Variants in NDUFA5 observed in about 807,000 individuals in gnomAD.
The protein encoded by NDUFA5 is NADH dehydrogenase [ubiquinone] 1 alpha subcomplex subunit 5.
In NDUFA5, 11 loss-of-function variants were observed where a neutral mutation model predicts 19.8. The observed-to-expected ratio is 0.56, with a 90% CI of 0.35 to 0.92. The LOEUF (loss-of-function observed/expected upper bound fraction) is 0.92. Ranked by LOEUF, NDUFA5 falls within the 40% of genes least tolerant of loss-of-function variation. The pLI, the probability that NDUFA5 is intolerant of heterozygous loss-of-function variation, is 0.01. For synonymous variants in NDUFA5, 47 were observed against 46.8 expected (o/e 1.00, Z -0.01); for missense variants, 109 against 134.2 (o/e 0.81, Z 0.93).
In NDUFA5 at chr7:123,547,343, T is replaced by C. The variant is rs896710515; in HGVS notation, c.184-1667A>G. Among the ~76,000 whole-genome samples the C allele has an allele frequency of 3.9e-5, 6 of 152,160 alleles. No homozygotes were observed. In the East Asian group the frequency reaches 7.7e-4, roughly 20 times the overall value. The stretch of plus-strand genomic sequence containing the variant: ...CACATTTTCCTTGTTTTATTTTCCT[T>C]CACTGCACTTACTATTTTCTAACAC... On this transcript the variant is annotated intron_variant, in intron 3 of 4. Coordinates refer to ENST00000355749, the MANE Select transcript of NDUFA5 (RefSeq NM_005000.5).
chr7:123,568,293 G>A, the NDUFA5 span, among the ~76,000 whole-genome samples: 1 of 151,910 alleles, frequency 6.6e-6, no homozygotes, highest in South Asian at 2.1e-4. Context: ...CGGGCAGATC[G>A]CCTGAGGTTG....
At chr7:123,560,543 G>C (rs994571301), upstream of NDUFA5, among the ~76,000 whole-genome samples, 1 of 152,192 alleles carries the variant, frequency 6.6e-6, no homozygotes, top group Non-Finnish European at 1.5e-5. Flanking sequence ...CTATGGATGA[G>C]GTGGCTTAAA....
At chr7:123,563,364 T>C in the NDUFA5 span, among the ~76,000 whole-genome samples, 1 of 152,152 alleles carries the variant, frequency 6.6e-6, no homozygotes, top group East Asian at 1.9e-4. Flanking sequence ...CATTGTTGTA[T>C]CTCAGGGAAT....
chr7:123,542,005 T>C lies in NDUFA5; in HGVS notation c.*114A>G, dbSNP rs1797957567. On this transcript the variant is annotated 3_prime_UTR_variant, in exon 5 of 5. Coordinates refer to ENST00000355749, the MANE Select transcript of NDUFA5 (RefSeq NM_005000.5). ...ACCAATTTTAACAGTCTCCTACATA[T>C]TTTCTATATCACTTTTCTTGATTAC... 1 of 647,382 alleles carries C rather than the reference T, an allele frequency of 1.5e-6. No homozygotes were observed. Among genetic ancestry groups the C allele is most frequent in the Non-Finnish European group, 2.4e-6 (1 of 413,292 alleles). The allele number at this position is 647,382 out of a possible 1,614,324, so 40.1% of individuals were successfully genotyped here.
the NDUFA5 span, among the ~76,000 whole-genome samples, chr7:123,586,679 T>C: frequency 6.6e-6 from 1 of 151,714 alleles, no homozygotes; most frequent in Non-Finnish European, 1.5e-5. Flanking sequence ...TTTCTTCTAG[T>C]AGTTTTACAG....
At chr7:123,556,034 G>C (rs1019100737) in intron 2 of NDUFA5, 4 of 152,222 alleles carry the variant, frequency 2.6e-5, no homozygotes, top group African/African-American at 7.2e-5. Context: ...TAGCAGAGGA[G>C]GTAGTGAGAT....
At chr7:123,564,772 A>G in the NDUFA5 span, among the ~76,000 whole-genome samples, 1 of 152,086 alleles carries the variant, frequency 6.6e-6, no homozygotes, top group African/African-American at 2.4e-5. Context: ...TGTTTGCCTT[A>G]TGATTTCTTA....
intron 2 of NDUFA5, among the ~76,000 whole-genome samples, chr7:123,554,350 C>T (rs1183891598): frequency 6.6e-6 from 1 of 152,046 alleles, no homozygotes; most frequent in African/African-American, 2.4e-5. Context: ...TTAAGGCTCG[C>T]ATTATGTTTT....
chr7:123,570,029 C>CTTTTTT, the NDUFA5 span, among the ~76,000 whole-genome samples: 6 of 88,176 alleles, frequency 6.8e-5, no homozygotes, highest in Non-Finnish European at 1.3e-4. Flanking sequence ...ACTGCCATAG[C>CTTTTTT]TTTTTTTTTT....
chr7:123,586,287 G>A, the NDUFA5 span, among the ~76,000 whole-genome samples: 2 of 151,756 alleles, frequency 1.3e-5, no homozygotes, highest in East Asian at 3.9e-4. Flanking sequence ...GGTGTGAAGT[G>A]CTGTCTCTTT....
Position 123,538,497 on chromosome 7 carries a change from A to T in NDUFA5, c.*3622T>A, listed in dbSNP as rs1333868228. On this transcript the variant is annotated 3_prime_UTR_variant, in exon 5 of 5. Coordinates refer to ENST00000355749, the MANE Select transcript of NDUFA5 (RefSeq NM_005000.5). The stretch of plus-strand genomic sequence containing the variant: ...GTAGCCTCTCATTTACTTTTCTCTA[A>T]AACAATTGGCATTACTATTGTTGTA... 1.3e-5 allele frequency: 2 copies of T among 152,182 alleles called. No individual in the cohort carries two copies. Among genetic ancestry groups the T allele is most frequent in the African/African-American group, 4.8e-5 (2 of 41,432 alleles). 9.4% of individuals were successfully genotyped at this position (152,182 alleles called of 1,614,324 possible).
the NDUFA5 span, among the ~76,000 whole-genome samples, chr7:123,591,354 G>C: frequency 8.1e-4 from 124 of 152,264 alleles, no homozygotes; most frequent in South Asian, 1.9e-3. Context: ...GGAGTGGTGA[G>C]AGAGGTCATC....
chr7:123,584,427 G>T, the NDUFA5 span, among the ~76,000 whole-genome samples: 2 of 151,806 alleles, frequency 1.3e-5, no homozygotes, highest in Non-Finnish European at 2.9e-5. Context: ...AGCTCCCCAG[G>T]TGATTCCAAT....
chr7:123,586,830 T>C, the NDUFA5 span, among the ~76,000 whole-genome samples: 11,019 of 151,862 alleles, frequency 0.073, 451 homozygotes, highest in African/African-American at 0.096. Flanking sequence ...GTGTATTTTT[T>C]GTGCCTTTGT....
At chr7:123,593,668 T>C in the NDUFA5 span, among the ~76,000 whole-genome samples, 1 of 152,202 alleles carries the variant, frequency 6.6e-6, no homozygotes, top group Non-Finnish European at 1.5e-5. Context: ...GATGGGCTTC[T>C]CTTTGTGGGT....
intron 4 of NDUFA5, among the ~76,000 whole-genome samples, chr7:123,544,899 A>T (rs73222275): frequency 0.016 from 2,445 of 152,016 alleles, 36 homozygotes; most frequent in Non-Finnish European, 0.025. Context: ...CTATAACCTA[A>T]CTATGACCAA....
the NDUFA5 span, among the ~76,000 whole-genome samples, chr7:123,593,986 T>C: frequency 6.6e-6 from 1 of 152,152 alleles, no homozygotes; most frequent in Non-Finnish European, 1.5e-5. Context: ...TTCTTTTCAC[T>C]CTTTTTTCTC....
At chr7:123,565,394 A>AAT in the NDUFA5 span, among the ~76,000 whole-genome samples, 1 of 84,154 alleles carries the variant, frequency 1.2e-5, no homozygotes, top group Non-Finnish European at 2.4e-5. Flanking sequence ...TTTAGCTTAT[A>AAT]ATACACACAC....
chr7:123,570,183 C>T, the NDUFA5 span, among the ~76,000 whole-genome samples: 334 of 151,866 alleles, frequency 2.2e-3, no homozygotes, highest in Non-Finnish European at 3.4e-3. Flanking sequence ...CACAGGCGCC[C>T]GCCACCATGC....
Sources: gnomAD v4.1 joint callset for allele counts (sites outside exome capture counted in the v4.1 genomes callset) on GRCh38, gnomAD v4.1.1 for gene constraint, MANE v1.5 for transcripts, NCBI Gene and HGNC (gene_info 2026-07-23, HGNC 2026-07-21) for gene names.